The following PCDHA10 variants were observed in gnomAD, a reference collection of about 807,000 sequenced individuals.
PCDHA10 encodes protocadherin alpha 10.
PCDHA10 carries 45 observed loss-of-function variants against 61.2 expected under a neutral mutation model. The ratio of observed to expected loss-of-function variants is 0.74; its 90% CI spans 0.58 to 0.94. The LOEUF is 0.94. PCDHA10 is among the 40% of genes least tolerant of loss of function. The pLI is 0.00. For synonymous variants in PCDHA10, 602 were observed against 548.8 expected (o/e 1.10, Z -1.35); for missense variants, 1,278 against 1,236.2 (o/e 1.03, Z -0.51).
intron 1 of PCDHA10, among the ~76,000 whole-genome samples, chr5:140,953,811 A>T (rs782282216): frequency 3.3e-5 from 5 of 152,074 alleles, no homozygotes; most frequent in Non-Finnish European, 5.9e-5. Context: ...TCTGAGGTGC[A>T]TGTGCTAGTT....
intron 1 of PCDHA10, among the ~76,000 whole-genome samples, chr5:140,936,829 CTA>C (rs1370139349): frequency 5.9e-5 from 9 of 152,026 alleles, no homozygotes; most frequent in African/African-American, 1.7e-4. Flanking sequence ...CTTTGCATTT[CTA>C]TATAAATTGT....
chr5:140,859,369 T>C (rs1469149070), intron 1 of PCDHA10: 1 of 262,962 alleles, frequency 3.8e-6, no homozygotes, highest in Non-Finnish European at 7.0e-6. Flanking sequence ...TATTGTATAG[T>C]TTAATAGCTT....
intron 1 of PCDHA10, among the ~76,000 whole-genome samples, chr5:140,899,690 C>T (rs1340913543): frequency 6.6e-6 from 1 of 152,156 alleles, no homozygotes; most frequent in Non-Finnish European, 1.5e-5. Flanking sequence ...TGATGCTGGC[C>T]TCATAAAATG....
intron 1 of PCDHA10, among the ~76,000 whole-genome samples, chr5:140,936,910 G>A (rs1221304306): frequency 6.6e-6 from 1 of 152,062 alleles, no homozygotes; most frequent in African/African-American, 2.4e-5. Context: ...TATTGAATCT[G>A]TAGAAAATAT....
At chr5:140,887,249 A>AC (rs1367463344) in intron 1 of PCDHA10, among the ~76,000 whole-genome samples, 3 of 151,838 alleles carry the variant, frequency 2.0e-5, no homozygotes, top group Non-Finnish European at 4.4e-5. Context: ...GGCGCCCGCC[A>AC]CCACGCCCTG....
intron 1 of PCDHA10, among the ~76,000 whole-genome samples, chr5:140,925,706 T>C (rs371734955): frequency 2.0e-5 from 3 of 151,422 alleles, no homozygotes; most frequent in Admixed American, 6.6e-5. Context: ...AGCCTATTCT[T>C]ATCCTGCCTC....
At chr5:140,903,927 G>A (rs1202330297) in intron 1 of PCDHA10, among the ~76,000 whole-genome samples, 1 of 152,158 alleles carries the variant, frequency 6.6e-6, no homozygotes, top group Non-Finnish European at 1.5e-5. Context: ...TGCTGCATTG[G>A]ATAATACCTC....
At chr5:140,862,844 C>G (rs782433146) in intron 1 of PCDHA10, 1 of 571,262 alleles carries the variant, frequency 1.8e-6, no homozygotes. Flanking sequence ...GGCATGCCGC[C>G]TCTGAGCAGC....
At chr5:140,869,899 G>T in intron 1 of PCDHA10, 1 of 1,610,464 alleles carries the variant, frequency 6.2e-7, no homozygotes, top group South Asian at 1.1e-5. Flanking sequence ...CAAACTAAAC[G>T]CCACAGACCG....
At chr5:140,928,718 T>C in intron 1 of PCDHA10, 1 of 1,614,174 alleles carries the variant, frequency 6.2e-7, no homozygotes, top group East Asian at 2.2e-5. Context: ...TCTAGTCTCT[T>C]TAGAATTTCA....
rs782681619 is a variant in PCDHA10, at chr5:141,009,600, A to G, written c.2537-27A>G. On this transcript the variant is annotated intron_variant, in intron 3 of 3. Coordinates refer to ENST00000307360, the MANE Select transcript of PCDHA10 (RefSeq NM_018901.4). ...ATCAAGAGCATGTGTTGACCCTGTT[A>G]ATGATTTGTAATGTTTTGTCTTTCA... The G allele has an allele frequency of 1.9e-6, 3 of 1,607,002 alleles. No individual in the cohort carries two copies. In the Admixed American group the frequency reaches 5.0e-5, roughly 27 times the overall value.
intron 3 of PCDHA10, among the ~76,000 whole-genome samples, chr5:141,004,289 CAG>C (rs1383902638): frequency 1.3e-5 from 2 of 152,130 alleles, no homozygotes; most frequent in Non-Finnish European, 2.9e-5. Context: ...GCTGAGCTCT[CAG>C]AGATGTTTGT....
At chr5:140,880,842 T>C (rs1554171525) in intron 1 of PCDHA10, among the ~76,000 whole-genome samples, 1 of 152,194 alleles carries the variant, frequency 6.6e-6, no homozygotes, top group East Asian at 1.9e-4. Flanking sequence ...TTTAAATGGT[T>C]GACTATGTAG....
At chr5:140,981,643 G>A (rs998815671) in intron 2 of PCDHA10, among the ~76,000 whole-genome samples, 3 of 151,992 alleles carry the variant, frequency 2.0e-5, no homozygotes, top group African/African-American at 7.3e-5. Context: ...TTTTCTCTTA[G>A]GATCCCACTT....
intron 1 of PCDHA10, chr5:140,968,722 T>A (rs1379540261): frequency 6.2e-7 from 1 of 1,613,728 alleles, no homozygotes; most frequent in Non-Finnish European, 8.5e-7. Context: ...GAGATGAGAG[T>A]GGTAGCACTT....
At chr5:141,005,548 A>G (rs970223535) in intron 3 of PCDHA10, among the ~76,000 whole-genome samples, 2 of 151,322 alleles carry the variant, frequency 1.3e-5, no homozygotes, top group African/African-American at 4.9e-5. Flanking sequence ...CTAAAAATAC[A>G]AAAATTAGCC....
At chr5:140,960,508 A>C (rs1026528724) in intron 1 of PCDHA10, among the ~76,000 whole-genome samples, 10 of 152,190 alleles carry the variant, frequency 6.6e-5, no homozygotes, top group Non-Finnish European at 1.3e-4. Context: ...TCCAAGCAGC[A>C]AACATAATGG....
At chr5:140,916,163 C>G (rs546851152) in intron 1 of PCDHA10, among the ~76,000 whole-genome samples, 1 of 152,066 alleles carries the variant, frequency 6.6e-6, no homozygotes, top group African/African-American at 2.4e-5. Context: ...TGAATGCTGC[C>G]AGGCCTGGGA....
intron 1 of PCDHA10, among the ~76,000 whole-genome samples, chr5:140,901,260 T>C (rs1554189701): frequency 6.6e-6 from 1 of 152,308 alleles, no homozygotes; most frequent in East Asian, 1.9e-4. Flanking sequence ...CCTGTGATTG[T>C]GGGGTATTAC....
Sources: gnomAD v4.1 joint callset for allele counts (sites outside exome capture counted in the v4.1 genomes callset) on GRCh38, gnomAD v4.1.1 for gene constraint, MANE v1.5 for transcripts, NCBI Gene and HGNC (gene_info 2026-07-23, HGNC 2026-07-21) for gene names.